HECW1: variants seen among roughly 807,000 people sequenced by gnomAD.
HECW1 encodes HECT, C2 and WW domain containing E3 ubiquitin protein ligase 1.
A neutral mutation model predicts 182.3 loss-of-function variants in HECW1; 61 were observed. That is an observed-to-expected ratio of 0.33 (90% CI 0.27 to 0.41). The LOEUF (loss-of-function observed/expected upper bound fraction) is 0.41. HECW1 is among the 10% of genes least tolerant of loss of function. HECW1 has a pLI of 1.00. For synonymous variants in HECW1, 859 were observed against 832.6 expected (o/e 1.03, Z -0.55); for missense variants, 1,739 against 2,108.9 (o/e 0.82, Z 3.44).
chr7:43,296,524 C>A (rs1166593543), intron 3 of HECW1, among the ~76,000 whole-genome samples: 1 of 152,164 alleles, frequency 6.6e-6, no homozygotes, highest in African/African-American at 2.4e-5. Flanking sequence ...GCTGTGGACG[C>A]AGCTGCGGAA....
At chr7:43,219,506 C>T (rs1032235529) in intron 2 of HECW1, among the ~76,000 whole-genome samples, 2 of 152,048 alleles carry the variant, frequency 1.3e-5, no homozygotes, top group East Asian at 1.9e-4. Context: ...CTCCAACAAC[C>T]GAGCTCTCCA....
chr7:43,458,825 A>G (rs530880482), intron 13 of HECW1, among the ~76,000 whole-genome samples: 16 of 152,358 alleles, frequency 1.1e-4, no homozygotes, highest in African/African-American at 3.8e-4. Context: ...TACAATGATT[A>G]CTGGCTCACA....
At chr7:43,343,666 T>C (rs1214213633) in intron 5 of HECW1, among the ~76,000 whole-genome samples, 9 of 151,876 alleles carry the variant, frequency 5.9e-5, no homozygotes, top group Non-Finnish European at 1.3e-4. Context: ...CACTCTATCA[T>C]TGATGGACAT....
chr7:43,248,878 A>ACTTAGG (rs1799736187), intron 3 of HECW1: 1 of 152,230 alleles, frequency 6.6e-6, no homozygotes, highest in South Asian at 2.1e-4. Flanking sequence ...TGTGCATGTG[A>ACTTAGG]GGCCACAACC....
At chr7:43,293,292 C>T (rs1805647267) in intron 3 of HECW1, among the ~76,000 whole-genome samples, 1 of 151,578 alleles carries the variant, frequency 6.6e-6, no homozygotes, top group Non-Finnish European at 1.5e-5. Context: ...GGGAGCAGAC[C>T]CGAGCAGCGG....
intron 5 of HECW1, among the ~76,000 whole-genome samples, chr7:43,339,459 C>A (rs1041298999): frequency 6.6e-5 from 10 of 152,094 alleles, no homozygotes; most frequent in African/African-American, 2.4e-4. Flanking sequence ...TCATTTGATT[C>A]TTTTCTATTG....
chr7:43,348,192 C>T (rs1193760826), intron 5 of HECW1, among the ~76,000 whole-genome samples: 4 of 152,036 alleles, frequency 2.6e-5, no homozygotes, highest in Non-Finnish European at 5.9e-5. Context: ...AATCTCACTG[C>T]TTGTTATTGG....
chr7:43,114,252 G>A lies in HECW1; in HGVS notation c.-171G>A. 2.9e-6 allele frequency: 4 copies of A among 1,362,634 alleles called. No individual in the cohort carries two copies. Among genetic ancestry groups the A allele is most frequent in the Non-Finnish European group, 3.9e-6 (4 of 1,034,492 alleles). 84.4% of individuals were successfully genotyped at this position (1,362,634 alleles called of 1,614,324 possible). On this transcript the variant is annotated 5_prime_UTR_variant, in exon 2 of 30. Transcript: ENST00000395891. ...TTCTCTCTTTTCCTGGGATTTAAAC[G>A]CGATTTAGGAGGGCAGATGCCCTAC...
Position 43,564,241 on chromosome 7 carries a change from A to G in HECW1, c.*2315A>G, listed in dbSNP as rs2082279738. 5.2e-6 allele frequency: 1 copy of G among 190,748 alleles called. No individual in the cohort carries two copies. Among genetic ancestry groups the G allele is most frequent in the African/African-American group, 2.3e-5 (1 of 43,008 alleles). 11.8% of individuals were successfully genotyped at this position (190,748 alleles called of 1,614,324 possible). A position where few individuals can be genotyped will look rare whatever the true frequency, so the allele number is the denominator to read the frequency against. On this transcript the variant is annotated 3_prime_UTR_variant, in exon 30 of 30. Transcript: ENST00000395891. ...TTTTATCTTTAGAACTTGGTGTTAT[A>G]TATATGTAAATACTCATTAATTCAA...
At chr7:43,129,018 A>G (rs1786605301) in intron 2 of HECW1, among the ~76,000 whole-genome samples, 1 of 152,214 alleles carries the variant, frequency 6.6e-6, no homozygotes, top group African/African-American at 2.4e-5. Context: ...GAGCAAGGAA[A>G]GTGATTTCTT....
chr7:43,178,091 A>G lies in HECW1; in HGVS notation c.-32+63700A>G, dbSNP rs960447147. Reference sequence around the variant, plus strand: ...GTGGCATGATCTTGACTCACTGCAAACTCTGCCTCCTGGATTCAAGCAATT... The same window carrying G: ...GTGGCATGATCTTGACTCACTGCAAGCTCTGCCTCCTGGATTCAAGCAATT... On this transcript the variant is annotated intron_variant, in intron 2 of 29. Coordinates refer to ENST00000395891, the MANE Select transcript of HECW1 (RefSeq NM_015052.5). Among the ~76,000 whole-genome samples the G allele has an allele frequency of 2.0e-5, 3 of 151,998 alleles. No homozygotes were observed. In the South Asian group the frequency reaches 6.2e-4, roughly 32 times the overall value.
At chr7:43,294,855 A>G (rs916295094) in intron 3 of HECW1, among the ~76,000 whole-genome samples, 14 of 152,190 alleles carry the variant, frequency 9.2e-5, no homozygotes, top group African/African-American at 3.4e-4. Context: ...GGTCCTCACA[A>G]CATGAGCCAA....
rs372753752 is a variant in HECW1, at chr7:43,307,125, C to T, written c.28-4638C>T. Among the ~76,000 whole-genome samples, 33 of 152,174 alleles carry T rather than the reference C, an allele frequency of 2.2e-4. No individual in the cohort carries two copies. The South Asian group carries it at 5.4e-3, about 25-fold the overall frequency. On this transcript the variant is annotated intron_variant, in intron 3 of 29. Transcript: ENST00000395891. ...GATGGTTTTTACTCCCATAGCAGGGCACTTTGTACAGTGTATTTAAATTGC... is the reference window on the plus strand; with the variant it reads ...GATGGTTTTTACTCCCATAGCAGGGTACTTTGTACAGTGTATTTAAATTGC...
At chr7:43,502,607 C>T (rs867437225) in intron 21 of HECW1, among the ~76,000 whole-genome samples, 2 of 152,066 alleles carry the variant, frequency 1.3e-5, no homozygotes, top group Admixed American at 6.5e-5. Context: ...TGCAGTGAAC[C>T]GAGATTGTGC....
chr7:43,168,430 G>A (rs1203585913), intron 2 of HECW1, among the ~76,000 whole-genome samples: 2 of 152,122 alleles, frequency 1.3e-5, no homozygotes, highest in Non-Finnish European at 2.9e-5. Flanking sequence ...AGCTGAAGTG[G>A]GAGGACCCCT....
chr7:43,407,804 TC>T, intron 8 of HECW1, 73 bp downstream of exon 8: 3 of 1,341,300 alleles, frequency 2.2e-6, no homozygotes, highest in Non-Finnish European at 3.1e-6. Flanking sequence ...CCCTCCTCCT[TC>T]CCTCCATTCA....
chr7:43,231,152 C>T (rs927554468), intron 2 of HECW1, among the ~76,000 whole-genome samples: 11 of 152,194 alleles, frequency 7.2e-5, no homozygotes, highest in Non-Finnish European at 1.3e-4. Flanking sequence ...TTTAGAGAGG[C>T]TAACTAACTT....
chr7:43,556,714 GAAAAA>G (rs1411774241), intron 29 of HECW1, among the ~76,000 whole-genome samples: 1 of 150,716 alleles, frequency 6.6e-6, no homozygotes, highest in Non-Finnish European at 1.5e-5. Flanking sequence ...AAAAAAGAAA[GAAAAA>G]AGAAAAGACC....
chr7:43,237,611 G>A (rs927952005), intron 2 of HECW1, among the ~76,000 whole-genome samples: 2 of 152,324 alleles, frequency 1.3e-5, no homozygotes, highest in Admixed American at 1.3e-4. Flanking sequence ...AGGATCAAAT[G>A]GGTTAATATG....
Sources: allele counts gnomAD v4.1 joint callset (sites outside exome capture counted in the v4.1 genomes callset), GRCh38; gene constraint gnomAD v4.1.1; transcripts MANE v1.5; gene names NCBI Gene and HGNC (gene_info 2026-07-23, HGNC 2026-07-21).